UBE3D: variants seen among roughly 807,000 people sequenced by gnomAD.
UBE3D encodes the protein E3 ubiquitin-protein ligase E3D.
Under a neutral mutation model 49.6 loss-of-function variants are expected in UBE3D, and 48 were observed. The observed-to-expected ratio is 0.97, with a 90% CI of 0.77 to 1.23. UBE3D has a LOEUF of 1.23. Among genes scored for constraint, UBE3D ranks in the 50% most tolerant of loss-of-function variants. The pLI is 0.00. For missense variants in UBE3D, 452 were observed against 468.4 expected (o/e 0.96, Z 0.32); for synonymous variants, 189 against 174.2 (o/e 1.08, Z -0.67).
At chr6:82,959,244 C>A (rs1776377464) in intron 8 of UBE3D, among the ~76,000 whole-genome samples, 1 of 151,486 alleles carries the variant, frequency 6.6e-6, no homozygotes, top group Non-Finnish European at 1.5e-5. Context: ...CCCCCACCCC[C>A]CTCAAAATCT....
intron 9 of UBE3D, among the ~76,000 whole-genome samples, chr6:82,946,759 A>C (rs1775432614): frequency 6.6e-6 from 1 of 152,100 alleles, no homozygotes; most frequent in Non-Finnish European, 1.5e-5. Context: ...GTTAATTAAA[A>C]AGTGGGGGAC....
At chr6:82,921,999 C>T (rs1013296770) in intron 9 of UBE3D, among the ~76,000 whole-genome samples, 1 of 152,006 alleles carries the variant, frequency 6.6e-6, no homozygotes, top group Non-Finnish European at 1.5e-5. Context: ...AACAGTACAT[C>T]CAGAAAGGAA....
At chr6:82,932,907 T>C (rs574093886) in intron 9 of UBE3D, among the ~76,000 whole-genome samples, 1 of 152,164 alleles carries the variant, frequency 6.6e-6, no homozygotes, top group Non-Finnish European at 1.5e-5. Context: ...ACACAACTTT[T>C]CAATTAATAA....
intron 8 of UBE3D, among the ~76,000 whole-genome samples, chr6:82,965,393 G>A (rs1417943963): frequency 4.0e-5 from 6 of 151,586 alleles, no homozygotes; most frequent in Admixed American, 6.6e-5. Flanking sequence ...AGACCAGCCT[G>A]ACCAACATGG....
At chr6:82,908,936 C>A (rs1412290709) in intron 9 of UBE3D, among the ~76,000 whole-genome samples, 1 of 152,162 alleles carries the variant, frequency 6.6e-6, no homozygotes, top group Non-Finnish European at 1.5e-5. Flanking sequence ...GTGAGTCAGT[C>A]CAGGTTTCCC....
At chr6:83,042,871 G>A (rs138010789) in intron 4 of UBE3D, among the ~76,000 whole-genome samples, 1 of 152,228 alleles carries the variant, frequency 6.6e-6, no homozygotes, top group Non-Finnish European at 1.5e-5. Flanking sequence ...GGAGCCTTGA[G>A]AGCGCTGTTT....
At chr6:82,934,125 G>A (rs1774377346) in intron 9 of UBE3D, among the ~76,000 whole-genome samples, 1 of 152,054 alleles carries the variant, frequency 6.6e-6, no homozygotes, top group Non-Finnish European at 1.5e-5. Flanking sequence ...CACAAGATCT[G>A]ATGGTTTTAT....
intron 8 of UBE3D, among the ~76,000 whole-genome samples, chr6:82,981,630 G>A (rs545102790): frequency 6.6e-6 from 1 of 151,866 alleles, no homozygotes; most frequent in South Asian, 2.1e-4. Context: ...ATTCCATTAT[G>A]TTATACATTA....
intron 8 of UBE3D, among the ~76,000 whole-genome samples, chr6:82,986,899 A>G (rs1347016069): frequency 6.6e-6 from 1 of 150,790 alleles, no homozygotes; most frequent in East Asian, 1.9e-4. Context: ...CATATGTATA[A>G]TAGCTTTCAA....
At chr6:83,009,671 G>A (rs1780210577) in intron 8 of UBE3D, among the ~76,000 whole-genome samples, 1 of 113,698 alleles carries the variant, frequency 8.8e-6, no homozygotes, top group Admixed American at 1.2e-4. Context: ...AATTTTGAGT[G>A]AGCGCTCACA....
At chr6:82,915,786 C>T (rs1772875584) in intron 9 of UBE3D, among the ~76,000 whole-genome samples, 1 of 152,156 alleles carries the variant, frequency 6.6e-6, no homozygotes, top group African/African-American at 2.4e-5. Flanking sequence ...TATGATCTCA[C>T]TGGAAACTGA....
chr6:82,959,316 T>C (rs960356623), intron 8 of UBE3D, among the ~76,000 whole-genome samples: 1 of 151,586 alleles, frequency 6.6e-6, no homozygotes, highest in Non-Finnish European at 1.5e-5. Context: ...CTCTGCACTT[T>C]TCCCTTCAGC....
At chr6:82,965,583 CAAAAAAAAAA>C (rs35257086) in intron 8 of UBE3D, among the ~76,000 whole-genome samples, 1 of 86,358 alleles carries the variant, frequency 1.2e-5, no homozygotes, top group Non-Finnish European at 2.3e-5. Flanking sequence ...AACTCCATCT[CAAAAAAAAAA>C]AAAAAAAAAA....
intron 9 of UBE3D, among the ~76,000 whole-genome samples, chr6:82,951,398 G>T (rs949439500): frequency 1.3e-5 from 2 of 152,206 alleles, no homozygotes; most frequent in Non-Finnish European, 2.9e-5. Context: ...GGAGCAGCTG[G>T]TTGGAGCTGG....
Position 82,987,394 on chromosome 6 carries a change from A to G in UBE3D, c.1011-29944T>C, listed in dbSNP as rs1389599039. Reference sequence around the variant, plus strand: ...TTTTGGATTTTCTTGATACATAACTATATTATCCCAAAAAAAGATGGTTTT... The same window carrying G: ...TTTTGGATTTTCTTGATACATAACTGTATTATCCCAAAAAAAGATGGTTTT... On this transcript the variant is annotated intron_variant, in intron 8 of 9. Coordinates refer to ENST00000369747, the MANE Select transcript of UBE3D (RefSeq NM_198920.3). Among the ~76,000 whole-genome samples the G allele has an allele frequency of 8.5e-5, 13 of 152,142 alleles. 1 individual carries two copies. The highest frequency in any genetic ancestry group is 8.5e-4 in the Admixed American group (13 of 15,250).
intron 8 of UBE3D, among the ~76,000 whole-genome samples, chr6:82,976,382 T>A (rs574484533): frequency 7.3e-4 from 111 of 152,286 alleles, no homozygotes; most frequent in African/African-American, 2.2e-3. Context: ...TTCCTGACAG[T>A]GGCTAGCAAC....
intron 9 of UBE3D, among the ~76,000 whole-genome samples, chr6:82,897,151 C>T (rs1478753753): frequency 1.3e-5 from 2 of 151,764 alleles, no homozygotes; most frequent in Non-Finnish European, 2.9e-5. Flanking sequence ...TTAAAAAGGA[C>T]ATTGTTGACT....
chr6:82,998,202 T>C (rs1779379321), intron 8 of UBE3D, among the ~76,000 whole-genome samples: 2 of 152,216 alleles, frequency 1.3e-5, no homozygotes, highest in South Asian at 2.1e-4. Flanking sequence ...AAATGTTCCG[T>C]TTATTTTGCT....
At chr6:83,037,875 G>C (rs573384149) in intron 5 of UBE3D, 1 of 151,800 alleles carries the variant, frequency 6.6e-6, no homozygotes, top group Non-Finnish European at 1.5e-5. Flanking sequence ...TACAAAATTC[G>C]GAATTTTTTT....
Sources: gnomAD v4.1 joint callset for allele counts (sites outside exome capture counted in the v4.1 genomes callset) on GRCh38, gnomAD v4.1.1 for gene constraint, MANE v1.5 for transcripts, NCBI Gene and HGNC (gene_info 2026-07-23, HGNC 2026-07-21) for gene names.